The following MEOX2 variants were observed in gnomAD, a reference collection of about 807,000 sequenced individuals.
MEOX2 encodes the protein homeobox protein MOX-2.
Under a neutral mutation model 27.0 loss-of-function variants are expected in MEOX2, and 11 were observed. That is an observed-to-expected ratio of 0.41 (90% CI 0.26 to 0.68). MEOX2 has a LOEUF of 0.68. Ranked by LOEUF, MEOX2 falls within the 30% of genes least tolerant of loss-of-function variation. MEOX2 has a pLI of 0.33. For missense variants in MEOX2, 436 were observed against 385.4 expected, an observed-to-expected ratio of 1.13 and a Z score of -1.10; for synonymous variants, 189 against 155.4, an observed-to-expected ratio of 1.22 and a Z score of -1.61.
chr7:15,630,262 G>T (rs985173886), intron 1 of MEOX2, among the ~76,000 whole-genome samples: 11 of 151,986 alleles, frequency 7.2e-5, no homozygotes, highest in African/African-American at 2.7e-4. Flanking sequence ...ATACTTCCGT[G>T]GAGGATAAAA....
At chr7:15,623,969 AG>A (rs1251713126) in intron 2 of MEOX2, among the ~76,000 whole-genome samples, 1 of 152,236 alleles carries the variant, frequency 6.6e-6, no homozygotes, top group African/African-American at 2.4e-5. Context: ...TGCATAGCAA[AG>A]GTTTTTCCCA....
At position 15,612,126 on chromosome 7, in the gene MEOX2, C is replaced by A; in HGVS notation, c.*261G>T. ...AGTGCAAGCAAAAGCAAACACATAC[C>A]TGCTCACTGCCATACGCACGACCAA... On this transcript the variant is annotated 3_prime_UTR_variant, in exon 3 of 3. Coordinates refer to ENST00000262041, the MANE Select transcript of MEOX2 (RefSeq NM_005924.5). 2.0e-6 allele frequency: 1 copy of A among 492,776 alleles called. No individual in the cohort carries two copies. Among genetic ancestry groups the A allele is most frequent in the Non-Finnish European group, 3.7e-6 (1 of 273,856 alleles). 30.5% of individuals were successfully genotyped at this position (492,776 alleles called of 1,614,324 possible).
At chr7:15,680,966 C>A (rs1782283602) in intron 1 of MEOX2, 1 of 150,668 alleles carries the variant, frequency 6.6e-6, no homozygotes, top group South Asian at 2.1e-4. Context: ...TTTATTATTA[C>A]AATCAAGGGG....
chr7:15,680,007 A>G (rs1454883029), intron 1 of MEOX2: 1 of 151,916 alleles, frequency 6.6e-6, no homozygotes, highest in Admixed American at 6.6e-5. Flanking sequence ...ATTTCTGTAC[A>G]CAAAGTAACA....
chr7:15,668,387 A>G lies in MEOX2; in HGVS notation c.517+17499T>C, dbSNP rs1376919661. 5 of 152,392 alleles carry G rather than the reference A, an allele frequency of 3.3e-5. No homozygotes were observed. The East Asian group carries it at 7.7e-4, about 23-fold the overall frequency. The allele number at this position is 152,392 out of a possible 1,614,324, so 9.4% of individuals were successfully genotyped here. ...TGTAAGAATACAGTATATAATACAT[A>G]TAACATTAAAAATGTGTGTTAATCT... On this transcript the variant is annotated intron_variant, in intron 1 of 2. Transcript: ENST00000262041.
chr7:15,681,743 T>A (rs189245157), intron 1 of MEOX2: 1 of 151,764 alleles, frequency 6.6e-6, no homozygotes, highest in Admixed American at 6.6e-5. Flanking sequence ...AAGATGTCAT[T>A]GTAAAGGTTT....
At chr7:15,664,621 A>G (rs918213335) in intron 1 of MEOX2, among the ~76,000 whole-genome samples, 2 of 152,240 alleles carry the variant, frequency 1.3e-5, no homozygotes, top group African/African-American at 4.8e-5. Flanking sequence ...AAAAATAAAA[A>G]TACTTCAGGG....
chr7:15,686,020 C>A lies in MEOX2; in HGVS notation c.383G>T (p.Cys128Phe), dbSNP rs940405249. The change falls in exon 1 of 3, where the codon TGC becomes TTC. Residue 128 changes from cysteine (C) to phenylalanine (F), a missense_variant. Transcript: ENST00000262041. Reference sequence around the variant, plus strand: ...GGAGCCCAAGCTGGAAGAGTTGGAGCACAGGACGGGCGGGCTGCTCCCCAA... The same window carrying A: ...GGAGCCCAAGCTGGAAGAGTTGGAGAACAGGACGGGCGGGCTGCTCCCCAA... ...PELGSSPPVL[C>F]SNSSSLGSST... 1 of 1,607,650 alleles carries A rather than the reference C, an allele frequency of 6.2e-7. No individual in the cohort carries two copies. Among genetic ancestry groups the A allele is most frequent in the Non-Finnish European group, 8.5e-7 (1 of 1,179,664 alleles).
intron 1 of MEOX2, chr7:15,667,903 T>C (rs1457073175): frequency 6.6e-6 from 1 of 152,240 alleles, no homozygotes; most frequent in East Asian, 1.9e-4. Flanking sequence ...ATTGTGTGTG[T>C]GCCTCTTGTG....
intron 1 of MEOX2, chr7:15,679,773 G>A (rs1782263016): frequency 6.6e-6 from 1 of 151,818 alleles, no homozygotes; most frequent in Non-Finnish European, 1.5e-5. Flanking sequence ...TAATTCTATT[G>A]ATAAAACAAG....
At chr7:15,660,397 C>T (rs886799593) in intron 1 of MEOX2, among the ~76,000 whole-genome samples, 1 of 152,076 alleles carries the variant, frequency 6.6e-6, no homozygotes, top group African/African-American at 2.4e-5. Flanking sequence ...GAAACCTGAC[C>T]TTATTCTTTA....
chr7:15,673,924 A>C (rs1296269275), intron 1 of MEOX2, among the ~76,000 whole-genome samples: 2 of 152,136 alleles, frequency 1.3e-5, no homozygotes, highest in Admixed American at 6.5e-5. Context: ...TCCAAAGACT[A>C]AGTGAAAAGT....
intron 1 of MEOX2, among the ~76,000 whole-genome samples, chr7:15,658,144 G>A (rs558153710): frequency 1.5e-4 from 23 of 152,348 alleles, no homozygotes; most frequent in African/African-American, 5.1e-4. Flanking sequence ...GACTTTCTAC[G>A]AGGCCTCCTT....
intron 2 of MEOX2, among the ~76,000 whole-genome samples, chr7:15,620,349 C>G (rs111313766): frequency 3.3e-5 from 5 of 152,144 alleles, no homozygotes; most frequent in African/African-American, 1.2e-4. Context: ...ACATAATTAG[C>G]TAAGTAACTA....
rs534200664 is a variant in MEOX2, at chr7:15,644,907, A to C, written c.518-17989T>G. On this transcript the variant is annotated intron_variant, in intron 1 of 2. Transcript: ENST00000262041. ...TCAAGAGGGTTACAAACTTCCTGAA[A>C]ATTTAACGGTCAGCTTCCTAGAGCC... 2.6e-5 allele frequency among the ~76,000 whole-genome samples: 4 copies of C among 152,216 alleles called. No individual in the cohort carries two copies. In the East Asian group the frequency reaches 7.7e-4, roughly 29 times the overall value.
At chr7:15,640,958 G>T (rs1039289689) in intron 1 of MEOX2, among the ~76,000 whole-genome samples, 8 of 151,978 alleles carry the variant, frequency 5.3e-5, no homozygotes, top group African/African-American at 1.9e-4. Flanking sequence ...TTGCATCTAT[G>T]TTCATCAGAG....
intron 2 of MEOX2, among the ~76,000 whole-genome samples, chr7:15,625,811 G>A (rs987760037): frequency 4.6e-5 from 7 of 152,144 alleles, no homozygotes; most frequent in Non-Finnish European, 7.4e-5. Context: ...TGGGAACACT[G>A]TTAGAACAAA....
chr7:15,667,885 T>G (rs1782034431), intron 1 of MEOX2: 1 of 152,234 alleles, frequency 6.6e-6, no homozygotes, highest in South Asian at 2.1e-4. Context: ...GGAAAATCCC[T>G]TAATCACATT....
At chr7:15,641,585 T>G (rs1583760260) in intron 1 of MEOX2, among the ~76,000 whole-genome samples, 1 of 152,266 alleles carries the variant, frequency 6.6e-6, no homozygotes, top group East Asian at 1.9e-4. Flanking sequence ...ATCTGTATCT[T>G]TTAAGTGGGG....
Sources: gnomAD v4.1 joint callset for allele counts (sites outside exome capture counted in the v4.1 genomes callset) on GRCh38, gnomAD v4.1.1 for gene constraint, MANE v1.5 for transcripts, NCBI Gene and HGNC (gene_info 2026-07-23, HGNC 2026-07-21) for gene names.